The following SLC25A45 variants were observed in gnomAD, a reference collection of about 807,000 sequenced individuals.
SLC25A45 encodes the protein solute carrier family 25 member 45, also known as methylated amino-acid transporter SLC25A45.
Under a neutral mutation model 23.0 loss-of-function variants are expected in SLC25A45, and 22 were observed. The ratio of observed to expected loss-of-function variants is 0.95; its 90% CI spans 0.68 to 1.36. The LOEUF is 1.36. Among genes scored for constraint, SLC25A45 ranks in the 40% most tolerant of loss-of-function variants. The probability of loss-of-function intolerance (pLI) is 0.00; values close to 1 mark genes in which losing one functional copy is unlikely to be tolerated. For missense variants in SLC25A45, 355 were observed against 383.5 expected (o/e 0.93, Z 0.62); for synonymous variants, 136 against 155.0 (o/e 0.88, Z 0.91).
intron 2 of SLC25A45, chr11:65,381,065 C>G (rs914270622): frequency 6.5e-6 from 1 of 154,690 alleles, no homozygotes; most frequent in Admixed American, 6.5e-5. Context: ...GTGCCTTCCT[C>G]TCTTCTTCCC....
intron 2 of SLC25A45, chr11:65,380,910 G>A: frequency 4.2e-6 from 1 of 240,698 alleles, no homozygotes; most frequent in South Asian, 4.1e-5. Context: ...CAGCAGGTGA[G>A]GTCAAAGGTG....
In SLC25A45 at chr11:65,381,907, T is replaced by G. The variant is rs1184369960; in HGVS notation, c.37+8A>C. ...TGTGATGTGACAGAAGGAAGAAAAA[T>G]GTCTCACCAGAGATCCAGCCAGCCA... On this transcript the variant is annotated splice_region_variant and intron_variant, in intron 2 of 6. Coordinates refer to ENST00000398802, the MANE Select transcript of SLC25A45 (RefSeq NM_182556.4). 1 of 1,614,004 alleles carries G rather than the reference T, an allele frequency of 6.2e-7. No homozygotes were observed. Among genetic ancestry groups the G allele is most frequent in the East Asian group, 2.2e-5 (1 of 44,870 alleles).
chr11:65,380,137 C>T lies in SLC25A45; in HGVS notation c.76G>A (p.Val26Ile), dbSNP rs1855469868. 3 of 1,614,090 alleles carry T rather than the reference C, an allele frequency of 1.9e-6. No homozygotes were observed. The highest frequency in any genetic ancestry group is 1.7e-4 in the Middle Eastern group (1 of 6,058). ...GGCAGCTCTCCTAAACTCACCTTTA[C>T]AGTGTCAAACGGGTGTCCCAGGACC... Reference protein sequence around the residue: ...GLVLGHPFDTVKVRLQTQTTY... With the variant: ...GLVLGHPFDTIKVRLQTQTTY... The change falls in exon 3 of 7, where the codon GTA (valine) becomes ATA (isoleucine). Residue 26 changes from valine (V) to isoleucine (I), a missense_variant. Val to Ile is a conservative substitution (Grantham distance 29). Coordinates refer to ENST00000398802, the MANE Select transcript of SLC25A45 (RefSeq NM_182556.4).
chr11:65,378,521 C>T (rs941605457), intron 5 of SLC25A45: 5 of 152,078 alleles, frequency 3.3e-5, no homozygotes, highest in African/African-American at 4.8e-5. Flanking sequence ...ATGTGGCTCG[C>T]GGGGCTCAGG....
At chr11:65,380,050 T>G in intron 3 of SLC25A45, 82 bp downstream of exon 3, 1 of 1,584,452 alleles carries the variant, frequency 6.3e-7, no homozygotes, top group Non-Finnish European at 8.7e-7. Flanking sequence ...AAAGGCAAGA[T>G]TAGCCAGGCC....
intron 3 of SLC25A45, 39 bp downstream of exon 3, chr11:65,380,093 T>C: frequency 6.3e-7 from 1 of 1,598,270 alleles, no homozygotes. Context: ...TTGGGTCAGG[T>C]GAGATCTTTC....
At position 65,381,964 on chromosome 11, in the gene SLC25A45, C is replaced by T. The variant is rs116374093; in HGVS notation, c.-13G>A. 5.7e-4 allele frequency: 914 copies of T among 1,613,596 alleles called. 4 individuals carry two copies. The African/African-American group carries it at 0.011, about 19-fold the overall frequency. On this transcript the variant is annotated 5_prime_UTR_variant, in exon 2 of 7. Coordinates refer to ENST00000398802, the MANE Select transcript of SLC25A45 (RefSeq NM_182556.4). ...CCTCCACCGGCATTGTCTGGGCTTG[C>T]GGGAACTGGTGGCTCCAGCAGAGGA...
At chr11:65,381,257 A>T (rs1315477303) in intron 2 of SLC25A45, 1 of 153,386 alleles carries the variant, frequency 6.5e-6, no homozygotes, top group Admixed American at 6.5e-5. Context: ...CAGCCTCTGG[A>T]GTAGTTGGGA....
rs1291504390 is a variant in SLC25A45, at chr11:65,382,288, T to C, written c.-19+198A>G. The C allele has an allele frequency of 1.1e-5, 4 of 374,372 alleles. No individual in the cohort carries two copies. The highest frequency in any genetic ancestry group is 2.0e-5 in the Non-Finnish European group (4 of 197,104). The allele number at this position is 374,372 out of a possible 1,614,324, so 23.2% of individuals were successfully genotyped here. A position where few individuals can be genotyped will look rare whatever the true frequency, so the allele number is the denominator to read the frequency against. On this transcript the variant is annotated intron_variant, in intron 1 of 6. Transcript: ENST00000398802. The surrounding 1 kb of genome is among the most constrained non-coding windows in gnomAD (Gnocchi z 4.4). The stretch of plus-strand genomic sequence containing the variant: ...TGGTCGGGCCCCTCCAGGGCTGCCT[T>C]AGTCAGCAAGAGGCAAGCCCCTGCC...
At chr11:65,379,291 T>TG in intron 5 of SLC25A45, 85 bp downstream of exon 5, 3 of 1,505,190 alleles carry the variant, frequency 2.0e-6, no homozygotes, top group Non-Finnish European at 2.7e-6. Context: ...TCCACAGCTG[T>TG]GGGTCGCCAG....
rs34377244 is a variant in SLC25A45, at chr11:65,376,935, G to A, written c.481C>T (p.Arg161Trp). 6.5e-4 allele frequency: 1,055 copies of A among 1,613,280 alleles called. 9 individuals carry two copies. The African/African-American group carries it at 0.012, about 19-fold the overall frequency. Residue 161 changes from arginine to tryptophan, a missense_variant, in exon 6 of 7, where the codon CGG becomes TGG. By Grantham distance (101) the Arg-to-Trp change is moderately radical. Coordinates refer to ENST00000398802, the MANE Select transcript of SLC25A45 (RefSeq NM_182556.4). ...AASIFREEGPRGLFRGAWALT... is the reference protein window; with the variant it reads ...AASIFREEGPWGLFRGAWALT... ...GCCCAGGCTCCTCGGAACAGCCCCC[G>A]GGGCCCCTCCTCCCGGAAGATGGAG... is the stretch of plus-strand genomic sequence containing the variant.
At position 65,379,445 on chromosome 11, in the gene SLC25A45, C is replaced by T. The variant is rs781194833; in HGVS notation, c.270G>A (p.Gln90=). Residue 90 remains glutamine, a synonymous_variant, in exon 5 of 7, where the codon CAG becomes CAA. Coordinates refer to ENST00000398802, the MANE Select transcript of SLC25A45 (RefSeq NM_182556.4). ...TLLVLTATSH[Q]ERRAQPPSYM... ...AGCTGGGCGGCTGGGCCCGCCGCTCCTGGTGGGAGGTGGCCGTGAGCACCA... is the reference window on the plus strand; with the variant it reads ...AGCTGGGCGGCTGGGCCCGCCGCTCTTGGTGGGAGGTGGCCGTGAGCACCA... 6.2e-7 allele frequency: 1 copy of T among 1,614,014 alleles called. No individual in the cohort carries two copies. The highest frequency in any genetic ancestry group is 8.5e-7 in the Non-Finnish European group (1 of 1,180,010).
At chr11:65,377,376 C>T in intron 5 of SLC25A45, 1 of 1,246,582 alleles carries the variant, frequency 8.0e-7, no homozygotes, top group Non-Finnish European at 1.0e-6. Flanking sequence ...ATTCTTTTTG[C>T]AGGAGCAGGT....
chr11:65,380,672 TC>T, intron 2 of SLC25A45: 1 of 1,146,536 alleles, frequency 8.7e-7, no homozygotes, highest in Non-Finnish European at 1.2e-6. Flanking sequence ...GAGGAGCTTC[TC>T]CCCTCCCCTC....
Position 65,376,807 on chromosome 11 carries a change from A to G in SLC25A45, c.598+11T>C, listed in dbSNP as rs765669306. ...CCTCTGTCCCCCATCCTCTCACGCC[A>G]CTTTACTTACTGGGATTCTGGCCTT... On this transcript the variant is annotated intron_variant, in intron 6 of 6. Coordinates refer to ENST00000398802, the MANE Select transcript of SLC25A45 (RefSeq NM_182556.4). 1.9e-6 allele frequency: 3 copies of G among 1,614,060 alleles called. No homozygotes were observed. The highest frequency in any genetic ancestry group is 1.7e-6 in the Non-Finnish European group (2 of 1,180,000).
chr11:65,383,254 C>G (rs1855655913), upstream of SLC25A45: 1 of 152,420 alleles, frequency 6.6e-6, no homozygotes, highest in East Asian at 1.9e-4. Flanking sequence ...GTGGCCAAGG[C>G]AGAACCCACC....
Position 65,376,177 on chromosome 11 carries a change from T to C in SLC25A45, c.*230A>G. The C allele has an allele frequency of 1.7e-6, 1 of 587,464 alleles. No individual in the cohort carries two copies. The highest frequency in any genetic ancestry group is 2.9e-5 in the East Asian group (1 of 34,982). The allele number at this position is 587,464 out of a possible 1,614,324, so 36.4% of individuals were successfully genotyped here. ...TGCCTCATGCTCCCTGTTTCACAGATGTGGGAGGCAAAGGAGTCAAGGCCA... is the reference window on the plus strand; with the variant it reads ...TGCCTCATGCTCCCTGTTTCACAGACGTGGGAGGCAAAGGAGTCAAGGCCA... On this transcript the variant is annotated 3_prime_UTR_variant, in exon 7 of 7. Coordinates refer to ENST00000398802, the MANE Select transcript of SLC25A45 (RefSeq NM_182556.4).
intron 4 of SLC25A45, 69 bp downstream of exon 4, chr11:65,379,798 G>A (rs1438898523): frequency 1.3e-6 from 2 of 1,580,534 alleles, no homozygotes; most frequent in Non-Finnish European, 8.7e-7. Context: ...GCTGGAGAGG[G>A]AAGCTGGTAC....
intron 2 of SLC25A45, chr11:65,380,651 G>A: frequency 7.9e-7 from 1 of 1,271,386 alleles, no homozygotes. Context: ...GGTCATGCCT[G>A]GGCACCTGCA....
Sources: allele counts gnomAD v4.1 joint callset, GRCh38; gene constraint gnomAD v4.1.1; non-coding constraint Gnocchi (gnomAD v3.1); transcripts MANE v1.5; gene names NCBI Gene and HGNC (gene_info 2026-07-23, HGNC 2026-07-21).